Variants in SLC44A3 observed in about 807,000 individuals in gnomAD.
SLC44A3 encodes the protein choline transporter-like protein 3.
A neutral mutation model predicts 75.4 loss-of-function variants in SLC44A3; 74 were observed. The observed-to-expected ratio is 0.98, with a 90% CI of 0.81 to 1.19. The LOEUF (loss-of-function observed/expected upper bound fraction) is 1.19. Ranked by LOEUF, SLC44A3 falls within the 50% of genes most tolerant of loss-of-function variation. The pLI is 0.00. For synonymous variants in SLC44A3, 310 were observed against 296.9 expected (o/e 1.04, Z -0.45); for missense variants, 700 against 778.6 (o/e 0.90, Z 1.20).
chr1:94,863,495 G>A (rs1205127912), intron 10 of SLC44A3, among the ~76,000 whole-genome samples: 2 of 151,620 alleles, frequency 1.3e-5, no homozygotes, highest in Non-Finnish European at 2.9e-5. Context: ...AAGTTCTAAG[G>A]CACACAAATC....
rs532347987 is a variant in SLC44A3, at chr1:94,885,500, G to C, written c.1483-5630G>C. Among the ~76,000 whole-genome samples the C allele has an allele frequency of 1.5e-4, 23 of 152,254 alleles. No homozygotes were observed. In the East Asian group the frequency reaches 4.4e-3, roughly 29 times the overall value. ...CTGGAATCCAGCCTCTTTCCACTAA[G>C]CCATCCTGCCACATCCTCAGCTGTT... On this transcript the variant is annotated intron_variant, in intron 12 of 14. Transcript: ENST00000271227.
intron 10 of SLC44A3, among the ~76,000 whole-genome samples, chr1:94,858,377 A>G (rs948950651): frequency 6.6e-6 from 1 of 152,150 alleles, no homozygotes. Flanking sequence ...TTATATCCCT[A>G]TCACATCATG....
intron 6 of SLC44A3, chr1:94,838,816 G>A (rs1021150268): frequency 6.6e-6 from 1 of 152,184 alleles, no homozygotes; most frequent in Non-Finnish European, 1.5e-5. Context: ...AAAACCTCAG[G>A]TTATTCCTGA....
chr1:94,866,214 T>A (rs952422213), intron 11 of SLC44A3, among the ~76,000 whole-genome samples: 1 of 152,216 alleles, frequency 6.6e-6, no homozygotes, highest in African/African-American at 2.4e-5. Flanking sequence ...TGGTAATAGA[T>A]AATCATAAAT....
intron 12 of SLC44A3, among the ~76,000 whole-genome samples, chr1:94,870,253 C>T (rs1276560915): frequency 6.6e-6 from 1 of 152,212 alleles, no homozygotes; most frequent in African/African-American, 2.4e-5. Flanking sequence ...TGTATGCAGA[C>T]TATTTCTACC....
In SLC44A3 at chr1:94,885,224, C is replaced by CAAAAAAA. The variant is rs60440950; in HGVS notation, c.1483-5893_1483-5887dup. ...TGGGCGACAGAGTGAGACTCCCTCT[C>CAAAAAAA]AAAAAAAAAAAAAAAAAAAGAGGCA... On this transcript the variant is annotated intron_variant, in intron 12 of 14. Coordinates refer to ENST00000271227, the MANE Select transcript of SLC44A3 (RefSeq NM_001114106.3). 6.9e-3 allele frequency among the ~76,000 whole-genome samples: 557 copies of CAAAAAAA among 80,748 alleles called. 20 individuals are homozygous for CAAAAAAA. Among genetic ancestry groups the CAAAAAAA allele is most frequent in the Non-Finnish European group, 8.5e-3 (385 of 45,280 alleles). 53.0% of individuals were successfully genotyped at this position (80,748 alleles called of 152,430 possible).
intron 9 of SLC44A3, among the ~76,000 whole-genome samples, chr1:94,854,875 ACAGCCCCAGCCC>A (rs373161141): frequency 6.6e-6 from 1 of 152,032 alleles, no homozygotes; most frequent in Non-Finnish European, 1.5e-5. Context: ...AGTGCGCAGG[ACAGCCCCAGCCC>A]CAGCCCCAGC....
chr1:94,841,195 C>T (rs1663585905), intron 7 of SLC44A3, among the ~76,000 whole-genome samples: 1 of 152,198 alleles, frequency 6.6e-6, no homozygotes, highest in Non-Finnish European at 1.5e-5. Flanking sequence ...TGTATCTAAA[C>T]ACATCTAAGC....
intron 12 of SLC44A3, among the ~76,000 whole-genome samples, chr1:94,873,518 C>T (rs565718962): frequency 2.6e-4 from 40 of 152,288 alleles, no homozygotes; most frequent in African/African-American, 8.9e-4. Context: ...AGTGCCTCTC[C>T]CCAACCTGCT....
At chr1:94,841,875 C>T (rs948016926) in intron 7 of SLC44A3, 125 bp from the exon 8 acceptor site, 49 of 1,296,556 alleles carry the variant, frequency 3.8e-5, no homozygotes, top group Middle Eastern at 2.4e-4. Context: ...GTATTTGGGA[C>T]CCACTGCCAG....
intron 9 of SLC44A3, among the ~76,000 whole-genome samples, chr1:94,851,710 G>A (rs1381673872): frequency 1.3e-5 from 2 of 152,210 alleles, no homozygotes; most frequent in African/African-American, 2.4e-5. Flanking sequence ...TGCCAGAGCC[G>A]AAGCTGAAGC....
At chr1:94,830,882 G>C (rs963836331) in intron 5 of SLC44A3, among the ~76,000 whole-genome samples, 2 of 152,162 alleles carry the variant, frequency 1.3e-5, no homozygotes, top group African/African-American at 4.8e-5. Flanking sequence ...CATTTATTGA[G>C]CTTTTGATAC....
chr1:94,873,814 T>A (rs1668010537), intron 12 of SLC44A3, among the ~76,000 whole-genome samples: 1 of 152,182 alleles, frequency 6.6e-6, no homozygotes. Context: ...AGAAAAAAAG[T>A]AAAAATATTG....
At chr1:94,843,881 G>T (rs6694343) in intron 8 of SLC44A3, among the ~76,000 whole-genome samples, 12,896 of 150,176 alleles carry the variant, frequency 0.086, 863 homozygotes, top group African/African-American at 0.18. Flanking sequence ...GGCGGGGTGG[G>T]GGGGGTGGTC....
chr1:94,829,966 T>C (rs1661903049), intron 5 of SLC44A3, among the ~76,000 whole-genome samples: 1 of 152,232 alleles, frequency 6.6e-6, no homozygotes, highest in Non-Finnish European at 1.5e-5. Flanking sequence ...ACACTCTTAG[T>C]TACTACTCTG....
intron 1 of SLC44A3, 139 bp downstream of exon 1, chr1:94,820,617 C>A: frequency 7.3e-7 from 1 of 1,365,054 alleles, no homozygotes. Context: ...TACCTTGGGG[C>A]CACCTGGCGG....
intron 9 of SLC44A3, among the ~76,000 whole-genome samples, chr1:94,856,790 G>A (rs887919109): frequency 1.3e-5 from 2 of 152,074 alleles, no homozygotes; most frequent in African/African-American, 4.8e-5. Context: ...GAGTGCAGTG[G>A]CGTGATCTCG....
At chr1:94,852,229 A>G (rs1372802032) in intron 9 of SLC44A3, among the ~76,000 whole-genome samples, 2 of 152,374 alleles carry the variant, frequency 1.3e-5, no homozygotes, top group African/African-American at 4.8e-5. Flanking sequence ...TCAATGTTAT[A>G]GTACTTTAAA....
Position 94,891,244 on chromosome 1 carries a change from G to C in SLC44A3, c.1597G>C (p.Asp533His). Reference sequence around the variant, plus strand: ...CTTTACATCTATTAACTGCTTTGGAGACTTCATAATTTTTCTAGGAAAGGT... The same window carrying C: ...CTTTACATCTATTAACTGCTTTGGACACTTCATAATTTTTCTAGGAAAGGT... Reference protein sequence around the residue: ...SHFTSINCFGDFIIFLGKVLV... With the variant: ...SHFTSINCFGHFIIFLGKVLV... The change falls in exon 13 of 15, where the codon GAC becomes CAC. Residue 533 changes from aspartate (D) to histidine (H), a missense_variant. Physicochemically the swap from Asp to His is moderately conservative, Grantham distance 81. Coordinates refer to ENST00000271227, the MANE Select transcript of SLC44A3 (RefSeq NM_001114106.3). 1 of 1,608,408 alleles carries C rather than the reference G, an allele frequency of 6.2e-7. No individual in the cohort carries two copies. The highest frequency in any genetic ancestry group is 8.5e-7 in the Non-Finnish European group (1 of 1,178,382).
Sources: gnomAD v4.1 joint callset for allele counts (sites outside exome capture counted in the v4.1 genomes callset) on GRCh38, gnomAD v4.1.1 for gene constraint, MANE v1.5 for transcripts, NCBI Gene and HGNC (gene_info 2026-07-23, HGNC 2026-07-21) for gene names.